CLIC2: variants seen among roughly 807,000 people sequenced by gnomAD.
The protein encoded by CLIC2 is chloride intracellular channel protein 2.
In CLIC2, 9 loss-of-function variants were observed where a neutral mutation model predicts 14.8. That is an observed-to-expected ratio of 0.61 (90% CI 0.37 to 1.06). The LOEUF is 1.06. CLIC2 is among the 50% of genes least tolerant of loss of function. The pLI, the probability that CLIC2 is intolerant of heterozygous loss-of-function variation, is 0.01. For missense variants in CLIC2, 148 were observed against 181.4 expected (o/e 0.82, Z 1.06); for synonymous variants, 61 against 66.3 (o/e 0.92, Z 0.39).
chrX:155,291,031 G>T, intron 3 of CLIC2: 1 of 713,328 alleles, frequency 1.4e-6, no homozygotes, highest in Non-Finnish European at 2.2e-6. Context: ...TCTTTAACGT[G>T]GCCACCTCCA....
At chrX:155,333,715 A>G (rs781856814) in intron 1 of CLIC2, among the ~76,000 whole-genome samples, 24 of 107,687 alleles carry the variant, frequency 2.2e-4, no homozygotes, top group Non-Finnish European at 3.5e-4. Context: ...TGCTTTTCTG[A>G]AAAGTTGACA....
rs998096340 is a variant in CLIC2, at chrX:155,277,242, T to C, written c.*661A>G. 8.9e-6 allele frequency: 1 copy of C among 111,931 alleles called. No individual in the cohort carries two copies. Among genetic ancestry groups the C allele is most frequent in the Non-Finnish European group, 1.9e-5 (1 of 53,177 alleles). 9.2% of individuals were successfully genotyped at this position (111,931 alleles called of 1,213,427 possible). A position where few individuals can be genotyped will look rare whatever the true frequency, so the allele number is the denominator to read the frequency against. ...AGTTGACTTTGTTTCTTATATTGTT[T>C]TTTAAAATTATGTTTTATTTAATGA... On this transcript the variant is annotated 3_prime_UTR_variant, in exon 6 of 6. Coordinates refer to ENST00000369449, the MANE Select transcript of CLIC2 (RefSeq NM_001289.6).
intron 3 of CLIC2, chrX:155,290,947 G>A (rs2074962285): frequency 2.8e-6 from 2 of 709,434 alleles, no homozygotes; most frequent in East Asian, 3.2e-5. Flanking sequence ...AGTGGGGCAG[G>A]GGAAGATTGT....
chrX:155,325,130 A>G (rs781858986), intron 1 of CLIC2, among the ~76,000 whole-genome samples: 2 of 112,281 alleles, frequency 1.8e-5, no homozygotes, highest in Middle Eastern at 4.6e-3. Context: ...GAGGATGTGG[A>G]GAAATAGGAA....
chrX:155,309,042 A>G (rs1380754735), intron 1 of CLIC2, among the ~76,000 whole-genome samples: 1 of 112,523 alleles, frequency 8.9e-6, no homozygotes, highest in Non-Finnish European at 1.9e-5. Context: ...CTTAAGTAGA[A>G]AGACTAAATG....
At chrX:155,302,060 C>T (rs1276366146) in intron 1 of CLIC2, among the ~76,000 whole-genome samples, 28 of 103,628 alleles carry the variant, frequency 2.7e-4, no homozygotes, top group African/African-American at 9.4e-4. Flanking sequence ...TGTGTCTCTG[C>T]CTGGCTTTGG....
chrX:155,311,766 TG>T (rs1557320603), intron 1 of CLIC2, among the ~76,000 whole-genome samples: 1 of 111,977 alleles, frequency 8.9e-6, no homozygotes, highest in African/African-American at 3.2e-5. Flanking sequence ...TCCTTGTGGC[TG>T]GGGAGGCCTC....
intron 3 of CLIC2, among the ~76,000 whole-genome samples, chrX:155,291,805 G>C (rs1362765668): frequency 1.8e-5 from 2 of 112,411 alleles, no homozygotes; most frequent in African/African-American, 6.5e-5. Flanking sequence ...GATGTAAAAA[G>C]AGTGCTAATG....
intron 1 of CLIC2, among the ~76,000 whole-genome samples, chrX:155,321,708 C>T (rs1385232497): frequency 9.3e-6 from 1 of 107,767 alleles, no homozygotes; most frequent in Admixed American, 9.8e-5. Flanking sequence ...TCACACATAA[C>T]AATATTAACC....
chrX:155,308,316 G>A (rs782030644), intron 1 of CLIC2, among the ~76,000 whole-genome samples: 304 of 108,927 alleles, frequency 2.8e-3, no homozygotes, highest in Non-Finnish European at 3.7e-3. Flanking sequence ...TCAAGCAGAA[G>A]AAAGAATTAA....
chrX:155,327,653 G>GA (rs1248020652), intron 1 of CLIC2, among the ~76,000 whole-genome samples: 7 of 108,828 alleles, frequency 6.4e-5, no homozygotes, highest in South Asian at 3.8e-4. Flanking sequence ...CATGGACTCA[G>GA]AAAAAAAAAT....
chrX:155,290,402 G>T, intron 3 of CLIC2: 2 of 473,463 alleles, frequency 4.2e-6, no homozygotes. Flanking sequence ...ATTAGTCTTC[G>T]AATTCTTCTT....
At chrX:155,302,697 G>C (rs2075025136) in intron 1 of CLIC2, among the ~76,000 whole-genome samples, 1 of 69,724 alleles carries the variant, frequency 1.4e-5, no homozygotes, top group Non-Finnish European at 2.9e-5. Flanking sequence ...GATCTTTCCT[G>C]CTTTCTCTTG....
rs2075167703 is a variant in CLIC2 at position 155,334,510 on chromosome X, A to G, written c.-83T>C. 5 of 821,702 alleles carry G rather than the reference A, an allele frequency of 6.1e-6. No individual in the cohort carries two copies. Among genetic ancestry groups the G allele is most frequent in the Non-Finnish European group, 9.2e-6 (5 of 542,850 alleles). The allele number at this position is 821,702 out of a possible 1,213,427, so 67.7% of individuals were successfully genotyped here. A position where few individuals can be genotyped will look rare whatever the true frequency, so the allele number is the denominator to read the frequency against. On this transcript the variant is annotated 5_prime_UTR_variant, in exon 1 of 6. Transcript: ENST00000369449. ...TAGACTCTTTTCTCAATTTTATCCA[A>G]AGACTCAAGTAATGTTGGTGCTTTA...
chrX:155,284,150 TG>T (rs1299372008), intron 3 of CLIC2, among the ~76,000 whole-genome samples: 1 of 111,156 alleles, frequency 9.0e-6, no homozygotes, highest in African/African-American at 3.3e-5. Flanking sequence ...CATCTAGAAA[TG>T]GGTCCATGCA....
At chrX:155,299,265 C>A (rs2075006082) in intron 1 of CLIC2, 120 bp from the exon 2 acceptor site, 7 of 537,709 alleles carry the variant, frequency 1.3e-5, no homozygotes, top group Non-Finnish European at 2.2e-5. Context: ...CTCATGTACT[C>A]CATCATCTAT....
intron 1 of CLIC2, among the ~76,000 whole-genome samples, chrX:155,307,088 A>G (rs899361541): frequency 7.2e-5 from 8 of 111,810 alleles, no homozygotes; most frequent in African/African-American, 2.6e-4. Flanking sequence ...AACATATACC[A>G]GACATATACA....
chrX:155,276,752 C>T lies in CLIC2; in HGVS notation c.*1151G>A, dbSNP rs1347352283. The T allele has an allele frequency of 1.8e-5, 2 of 112,229 alleles. No individual in the cohort carries two copies. The highest frequency in any genetic ancestry group is 3.8e-5 in the Non-Finnish European group (2 of 53,200). The allele number at this position is 112,229 out of a possible 1,213,427, so 9.2% of individuals were successfully genotyped here. A position where few individuals can be genotyped will look rare whatever the true frequency, so the allele number is the denominator to read the frequency against. On this transcript the variant is annotated 3_prime_UTR_variant, in exon 6 of 6. Coordinates refer to ENST00000369449, the MANE Select transcript of CLIC2 (RefSeq NM_001289.6). ...CATGTATTCTGAAATATACTGATGA[C>T]AGGATGTATCTCAAAGATTATCAAC...
chrX:155,334,404 A>G lies in CLIC2; in HGVS notation c.24T>C (p.Thr8=). 8.3e-7 allele frequency: 1 copy of G among 1,210,092 alleles called. No homozygotes were observed. The highest frequency in any genetic ancestry group is 1.1e-6 in the Non-Finnish European group (1 of 893,893). Reference sequence around the variant, plus strand: ...AAAGCTCAATCTCAGGGTCCACTTGAGTGCCGGGCCGCAGGCCTGACATCT... The same window carrying G: ...AAAGCTCAATCTCAGGGTCCACTTGGGTGCCGGGCCGCAGGCCTGACATCT... The part of the protein sequence containing the change: MSGLRPG[T]QVDPEIELFV... Residue 8 remains threonine (T), a synonymous_variant, in exon 1 of 6, where the codon ACT becomes ACC. Coordinates refer to ENST00000369449, the MANE Select transcript of CLIC2 (RefSeq NM_001289.6).
Sources: gnomAD v4.1 joint callset for allele counts (sites outside exome capture counted in the v4.1 genomes callset) on GRCh38, gnomAD v4.1.1 for gene constraint, MANE v1.5 for transcripts, NCBI Gene and HGNC (gene_info 2026-07-23, HGNC 2026-07-21) for gene names.